The following RBFOX1 variants were observed in gnomAD, a reference collection of about 807,000 sequenced individuals.
RBFOX1 encodes RNA binding protein fox-1 homolog 1.
RBFOX1 carries 8 observed loss-of-function variants against 57.7 expected under a neutral mutation model. The ratio of observed to expected loss-of-function variants is 0.14; its 90% CI spans 0.08 to 0.25. The LOEUF is 0.25. Among genes scored for constraint, RBFOX1 ranks in the 10% least tolerant of loss-of-function variants. The pLI, the probability that RBFOX1 is intolerant of heterozygous loss-of-function variation, is 1.00. For missense variants in RBFOX1, 611 were observed against 548.5 expected, an observed-to-expected ratio of 1.11 and a Z score of -1.14; for synonymous variants, 326 against 222.4, an observed-to-expected ratio of 1.47 and a Z score of -4.15.
chr16:5,301,510 T>C (rs1318730015), intron 1 of RBFOX1, among the ~76,000 whole-genome samples: 1 of 148,416 alleles, frequency 6.7e-6, no homozygotes, highest in East Asian at 2.0e-4. Flanking sequence ...TCCCAGCTAC[T>C]CGGGAAGCTG....
At chr16:7,043,677 T>C (rs776551832) in intron 3 of RBFOX1, among the ~76,000 whole-genome samples, 1 of 152,212 alleles carries the variant, frequency 6.6e-6, no homozygotes, top group Non-Finnish European at 1.5e-5. Context: ...TTTCCAACAT[T>C]CTATTATTGT....
At chr16:6,756,983 C>T (rs1020137735) in intron 3 of RBFOX1, among the ~76,000 whole-genome samples, 6 of 62,708 alleles carry the variant, frequency 9.6e-5, no homozygotes, top group Non-Finnish European at 2.2e-4. Context: ...CTCAAACAAA[C>T]AGACAAACAA....
At chr16:6,365,409 T>G (rs984454320) in intron 2 of RBFOX1, among the ~76,000 whole-genome samples, 2 of 151,718 alleles carry the variant, frequency 1.3e-5, no homozygotes, top group African/African-American at 4.8e-5. Flanking sequence ...GATGGATGGA[T>G]GGATGGGTAG....
intron 4 of RBFOX1, among the ~76,000 whole-genome samples, chr16:7,164,653 A>G (rs1022623712): frequency 2.0e-5 from 3 of 152,206 alleles, no homozygotes; most frequent in Non-Finnish European, 4.4e-5. Flanking sequence ...CACAAATACA[A>G]ACACACACAA....
intron 4 of RBFOX1, among the ~76,000 whole-genome samples, chr16:5,918,053 C>T (rs536566539): frequency 6.6e-6 from 1 of 152,288 alleles, no homozygotes; most frequent in East Asian, 1.9e-4. Context: ...GGTCAAATTC[C>T]ATGTCCCAAG....
Position 6,019,879 on chromosome 16 carries a change from C to G in RBFOX1, c.-240C>G, listed in dbSNP as rs529173850. ...GACAGTGCGTGAGAAACCAGCACCCCCTTCCGCCGCCTCCAGCTTATGGTG... is the reference window on the plus strand; with the variant it reads ...GACAGTGCGTGAGAAACCAGCACCCGCTTCCGCCGCCTCCAGCTTATGGTG... On this transcript the variant is annotated 5_prime_UTR_variant, in exon 1 of 16. Transcript: ENST00000550418. This position sits in a 1 kb window ranked among gnomAD's most constrained non-coding sequence, Gnocchi z 4.2. 56 of 1,534,796 alleles carry G rather than the reference C, an allele frequency of 3.6e-5. No individual in the cohort carries two copies. In the East Asian group the frequency reaches 9.1e-4, roughly 25 times the overall value.
intron 4 of RBFOX1, among the ~76,000 whole-genome samples, chr16:7,346,325 C>T (rs1046110275): frequency 2.0e-5 from 3 of 151,736 alleles, no homozygotes; most frequent in Admixed American, 6.6e-5. Context: ...GAGTAAACCA[C>T]GATGGCAGAG....
At chr16:6,463,939 G>T (rs888725111) in intron 2 of RBFOX1, among the ~76,000 whole-genome samples, 2 of 152,044 alleles carry the variant, frequency 1.3e-5, no homozygotes, top group African/African-American at 4.8e-5. Flanking sequence ...TATCCTCCCA[G>T]AGAGGAGGAG....
chr16:6,726,833 C>A (rs28444465), intron 3 of RBFOX1, among the ~76,000 whole-genome samples: 1 of 151,954 alleles, frequency 6.6e-6, no homozygotes, highest in Non-Finnish European at 1.5e-5. Context: ...TAAGGAACAC[C>A]AAGTTCTCTC....
intron 1 of RBFOX1, among the ~76,000 whole-genome samples, chr16:5,406,770 G>A (rs538140531): frequency 6.6e-6 from 1 of 152,236 alleles, no homozygotes; most frequent in African/African-American, 2.4e-5. Context: ...AGGAGGGGCT[G>A]GGGATCCAAT....
intron 1 of RBFOX1, among the ~76,000 whole-genome samples, chr16:5,243,775 A>T (rs1596288639): frequency 6.6e-6 from 1 of 152,200 alleles, no homozygotes; most frequent in Admixed American, 6.5e-5. Flanking sequence ...ATACTACTGC[A>T]GGGGACTCAG....
intron 3 of RBFOX1, among the ~76,000 whole-genome samples, chr16:5,704,887 G>A (rs1418464823): frequency 1.3e-5 from 2 of 152,106 alleles, no homozygotes; most frequent in South Asian, 2.1e-4. Flanking sequence ...GACTTATCGG[G>A]CTTCTTACAT....
intron 4 of RBFOX1, among the ~76,000 whole-genome samples, chr16:5,874,159 C>T (rs1277829530): frequency 6.6e-6 from 1 of 152,164 alleles, no homozygotes; most frequent in East Asian, 1.9e-4. Context: ...CATTAGTGTC[C>T]TTAACAGCAG....
At chr16:6,098,200 G>C (rs984260677) in intron 1 of RBFOX1, among the ~76,000 whole-genome samples, 1 of 152,296 alleles carries the variant, frequency 6.6e-6, no homozygotes, top group East Asian at 1.9e-4. Context: ...ACCCTGGGAG[G>C]GCCTGTGTGA....
chr16:6,640,816 C>T (rs190970216), intron 2 of RBFOX1, among the ~76,000 whole-genome samples: 1 of 152,172 alleles, frequency 6.6e-6, no homozygotes, highest in East Asian at 1.9e-4. Context: ...CTCTGGGCCT[C>T]TCTGACTAGT....
intron 4 of RBFOX1, among the ~76,000 whole-genome samples, chr16:7,203,191 C>G (rs1225073665): frequency 1.3e-5 from 2 of 152,206 alleles, no homozygotes; most frequent in Non-Finnish European, 2.9e-5. Context: ...CACACACGCA[C>G]AATGGAATAT....
At chr16:5,928,609 T>C (rs1182579613) in intron 4 of RBFOX1, among the ~76,000 whole-genome samples, 1 of 151,912 alleles carries the variant, frequency 6.6e-6, no homozygotes, top group African/African-American at 2.4e-5. Flanking sequence ...ACCACATCCC[T>C]TCCTGCTGTC....
chr16:6,370,547 A>G (rs2090283359), intron 2 of RBFOX1, among the ~76,000 whole-genome samples: 1 of 152,054 alleles, frequency 6.6e-6, no homozygotes, highest in Admixed American at 6.6e-5. Flanking sequence ...ACATGGACAA[A>G]CCTTGAAACA....
intron 3 of RBFOX1, among the ~76,000 whole-genome samples, chr16:6,834,830 C>G (rs1424094771): frequency 1.3e-5 from 2 of 150,804 alleles, no homozygotes; most frequent in African/African-American, 2.4e-5. Flanking sequence ...GTGTTTGTGA[C>G]TTTGTCCATC....
Sources: gnomAD v4.1 joint callset for allele counts (sites outside exome capture counted in the v4.1 genomes callset) on GRCh38, gnomAD v4.1.1 for gene constraint, Gnocchi (gnomAD v3.1) non-coding constraint, MANE v1.5 for transcripts, NCBI Gene and HGNC (gene_info 2026-07-23, HGNC 2026-07-21) for gene names.